DMD: variants seen among roughly 807,000 people sequenced by gnomAD.
The protein encoded by DMD is dystrophin.
In DMD, 63 loss-of-function variants were observed where a neutral mutation model predicts 330.1. The ratio of observed to expected loss-of-function variants is 0.19; its 90% CI spans 0.16 to 0.24. DMD has a LOEUF of 0.24. DMD is among the 10% of genes least tolerant of loss of function. The pLI, the probability that DMD is intolerant of heterozygous loss-of-function variation, is 1.00. For missense variants in DMD, 3,344 were observed against 2,684.1 expected (o/e 1.25, Z -5.43); for synonymous variants, 1,223 against 959.8 (o/e 1.27, Z -5.07).
At chrX:31,224,730 G>A (rs1335425903) in intron 63 of DMD, among the ~76,000 whole-genome samples, 2 of 112,052 alleles carry the variant, frequency 1.8e-5, no homozygotes, top group African/African-American at 3.2e-5. Context: ...GTCAAAAACC[G>A]GAAACCAACC....
chrX:32,411,683 G>A, intron 30 of DMD, 69 bp downstream of exon 30: 1 of 1,133,568 alleles, frequency 8.8e-7, no homozygotes, highest in Non-Finnish European at 1.2e-6. Context: ...TTTAAAGTTA[G>A]AAACACTGCA....
Position 31,779,744 on chromosome X carries a change from A to AAG in DMD, c.7310-5554_7310-5553dup, listed in dbSNP as rs1181938683. On this transcript the variant is annotated intron_variant, in intron 50 of 78. Transcript: ENST00000357033. ...AAAGAGAGACAGACAGAGACAGAGCAAGAGAGAGAGAGGGCATCTGAATAG... is the reference window on the plus strand; with the variant it reads ...AAAGAGAGACAGACAGAGACAGAGCAAGAGAGAGAGAGAGGGCATCTGAATAG... Among the ~76,000 whole-genome samples, 11 of 108,727 alleles carry AAG rather than the reference A, an allele frequency of 1.0e-4. No individual in the cohort carries two copies. The East Asian group carries it at 2.0e-3, about 20-fold the overall frequency. The allele number at this position is 108,727 out of a possible 115,157, so 94.4% of individuals were successfully genotyped here.
chrX:32,738,737 A>G (rs1421532388), intron 7 of DMD, among the ~76,000 whole-genome samples: 2 of 111,643 alleles, frequency 1.8e-5, no homozygotes, highest in East Asian at 5.6e-4. Flanking sequence ...TAACACAAGG[A>G]AAGAGTTAGC....
At chrX:33,166,350 A>G (rs1603377291) in intron 1 of DMD, among the ~76,000 whole-genome samples, 1 of 111,555 alleles carries the variant, frequency 9.0e-6, no homozygotes, top group East Asian at 2.8e-4. Flanking sequence ...TAACAGGATT[A>G]TTCTTTAAAA....
At chrX:31,485,535 A>G (rs1483393481) in intron 57 of DMD, among the ~76,000 whole-genome samples, 1 of 111,481 alleles carries the variant, frequency 9.0e-6, no homozygotes, top group Admixed American at 9.6e-5. Flanking sequence ...TCCTGCTTAT[A>G]TTATAAAAAT....
chrX:32,956,447 A>G (rs546158729), intron 2 of DMD, among the ~76,000 whole-genome samples: 2 of 111,178 alleles, frequency 1.8e-5, no homozygotes, highest in South Asian at 7.7e-4. Context: ...ATGTGATTGC[A>G]TTACTGATTT....
At chrX:33,212,156 C>A (rs2051943839), upstream of DMD, among the ~76,000 whole-genome samples, 1 of 112,329 alleles carries the variant, frequency 8.9e-6, no homozygotes, top group African/African-American at 3.2e-5. Flanking sequence ...ATAAAGAATA[C>A]TCTTATAATG....
chrX:31,825,920 C>T (rs1170959963), intron 49 of DMD, among the ~76,000 whole-genome samples: 1 of 111,214 alleles, frequency 9.0e-6, no homozygotes, highest in Non-Finnish European at 1.9e-5. Context: ...AGAAACTAAA[C>T]GAGATATTTT....
At chrX:33,107,309 TCCCCC>T (rs35141396) in intron 1 of DMD, among the ~76,000 whole-genome samples, 1 of 22,204 alleles carries the variant, frequency 4.5e-5, no homozygotes, top group African/African-American at 1.0e-4. Context: ...CGAAGCTCTG[TCCCCC>T]CCCCCCCCCC....
intron 48 of DMD, among the ~76,000 whole-genome samples, chrX:31,860,182 G>T (rs962479808): frequency 5.4e-5 from 6 of 111,662 alleles, no homozygotes; most frequent in African/African-American, 9.7e-5. Context: ...CCTTCTAAAG[G>T]AGTAGTGAAG....
intron 63 of DMD, among the ~76,000 whole-genome samples, chrX:31,255,164 A>G (rs1352254506): frequency 9.0e-6 from 1 of 111,527 alleles, no homozygotes; most frequent in African/African-American, 3.3e-5. Flanking sequence ...TTAGGGACCT[A>G]GACATAAATT....
intron 9 of DMD, among the ~76,000 whole-genome samples, chrX:32,676,153 A>G (rs2061952774): frequency 9.0e-6 from 1 of 111,507 alleles, no homozygotes; most frequent in African/African-American, 3.2e-5. Context: ...AAATAATACA[A>G]AGCACGTAAA....
At chrX:32,796,460 G>A (rs1017577034) in intron 7 of DMD, among the ~76,000 whole-genome samples, 1 of 111,159 alleles carries the variant, frequency 9.0e-6, no homozygotes, top group Non-Finnish European at 1.9e-5. Flanking sequence ...GGCTAGGAAG[G>A]GTAGGAAGGG....
At chrX:33,204,020 C>T (rs918982198) in intron 1 of DMD, among the ~76,000 whole-genome samples, 1 of 111,378 alleles carries the variant, frequency 9.0e-6, no homozygotes, top group Admixed American at 9.6e-5. Context: ...TTACTTCTTT[C>T]ATCTCCACTG....
Position 32,699,241 on chromosome X carries a change from T to A in DMD, c.702A>T (p.Ser234=), listed in dbSNP as rs1350188088. The A allele has an allele frequency of 8.3e-7, 1 of 1,209,578 alleles. No homozygotes were observed. Among genetic ancestry groups the A allele is most frequent in the Non-Finnish European group, 1.1e-6 (1 of 893,759 alleles). The change falls in exon 8 of 79, where the codon TCA becomes TCT. Residue 234 remains serine, a synonymous_variant. Coordinates refer to ENST00000357033, the MANE Select transcript of DMD (RefSeq NM_004006.3). ...DKKSILMYIT[S]LFQVLPQQVS... is the part of the protein sequence containing the mutation. ...CTTGTTGAGGCAAAACTTGGAAGAG[T>A]GATGTGATGTACATTAAGATGGACT...
At chrX:32,511,544 A>AG (rs2045336151) in intron 18 of DMD, among the ~76,000 whole-genome samples, 3 of 107,714 alleles carry the variant, frequency 2.8e-5, no homozygotes, top group Non-Finnish European at 3.8e-5. Context: ...AAAAAAAAAA[A>AG]AAAGAAAAGA....
rs184978719 is a variant in DMD, at chrX:33,074,877, C to A, written c.32-54677G>T. On this transcript the variant is annotated intron_variant, in intron 1 of 78. Coordinates refer to ENST00000357033, the MANE Select transcript of DMD (RefSeq NM_004006.3). ...TCCTCTCTTGCCTTTAGCCTTCAAG[C>A]TGCTCTTAATTATTCCTGGGCTTAT... Among the ~76,000 whole-genome samples the A allele has an allele frequency of 4.0e-4, 45 of 112,073 alleles. 1 individual carries two copies. Among genetic ancestry groups the A allele is most frequent in the Non-Finnish European group, 2.1e-4 (11 of 53,265 alleles).
chrX:31,508,178 A>G, intron 55 of DMD: 1 of 1,142,918 alleles, frequency 8.7e-7, no homozygotes, highest in Non-Finnish European at 1.2e-6. Flanking sequence ...CACACAGATC[A>G]AGAAAATTAT....
chrX:32,864,611 G>C (rs1210422217), intron 2 of DMD, among the ~76,000 whole-genome samples: 1 of 111,665 alleles, frequency 9.0e-6, no homozygotes, highest in Non-Finnish European at 1.9e-5. Flanking sequence ...TATACATTAG[G>C]AAAATTCTTC....
Sources: allele counts gnomAD v4.1 joint callset (sites outside exome capture counted in the v4.1 genomes callset), GRCh38; gene constraint gnomAD v4.1.1; transcripts MANE v1.5; gene names NCBI Gene and HGNC (gene_info 2026-07-23, HGNC 2026-07-21).